Variants in PDE1A observed in about 807,000 individuals in gnomAD.
The protein encoded by PDE1A is dual specificity calcium/calmodulin-dependent 3',5'-cyclic nucleotide phosphodiesterase 1A.
A neutral mutation model predicts 61.7 loss-of-function variants in PDE1A; 35 were observed. That is an observed-to-expected ratio of 0.57 (90% CI 0.43 to 0.75). PDE1A has a LOEUF of 0.75. Ranked by LOEUF, PDE1A falls within the 30% of genes least tolerant of loss-of-function variation. PDE1A has a pLI of 0.00. For missense variants in PDE1A, 597 were observed against 630.6 expected, an observed-to-expected ratio of 0.95 and a Z score of 0.57; for synonymous variants, 232 against 213.2, an observed-to-expected ratio of 1.09 and a Z score of -0.77.
chr2:182,646,751 G>T, the PDE1A span, among the ~76,000 whole-genome samples: 7 of 151,458 alleles, frequency 4.6e-5, no homozygotes, highest in Non-Finnish European at 7.4e-5. Context: ...TGAAACATAA[G>T]TATAACCCAA....
chr2:182,669,023 T>G, the PDE1A span, among the ~76,000 whole-genome samples: 4 of 152,222 alleles, frequency 2.6e-5, no homozygotes, highest in Non-Finnish European at 4.4e-5. Flanking sequence ...CTTGGCCTAT[T>G]CTTGACCACA....
At chr2:182,690,386 A>G in the PDE1A span, among the ~76,000 whole-genome samples, 16 of 152,230 alleles carry the variant, frequency 1.1e-4, no homozygotes, top group African/African-American at 3.6e-4. Flanking sequence ...TACGCAAATC[A>G]ATAAACGTAA....
At chr2:182,370,049 C>T (rs954929726) in intron 1 of PDE1A, among the ~76,000 whole-genome samples, 7 of 151,812 alleles carry the variant, frequency 4.6e-5, no homozygotes, top group East Asian at 1.9e-4. Context: ...TGGTGGTGGC[C>T]GCCTGTAATC....
chr2:182,338,733 A>G (rs1317248313), intron 1 of PDE1A, among the ~76,000 whole-genome samples: 1 of 152,154 alleles, frequency 6.6e-6, no homozygotes, highest in Non-Finnish European at 1.5e-5. Flanking sequence ...CATATTGGCC[A>G]GGCTGGTCTC....
chr2:182,500,950 T>C (rs1309299007), intron 2 of PDE1A, among the ~76,000 whole-genome samples: 1 of 152,238 alleles, frequency 6.6e-6, no homozygotes, highest in Non-Finnish European at 1.5e-5. Context: ...TAATTTTGTA[T>C]CATTGTTTTA....
chr2:182,607,698 C>A, the PDE1A span, among the ~76,000 whole-genome samples: 23 of 152,256 alleles, frequency 1.5e-4, no homozygotes, highest in African/African-American at 5.5e-4. Flanking sequence ...GTAAATAAAG[C>A]TGATGTTTTT....
At chr2:182,542,829 A>G in the PDE1A span, among the ~76,000 whole-genome samples, 2 of 152,220 alleles carry the variant, frequency 1.3e-5, no homozygotes, top group Non-Finnish European at 2.9e-5. Flanking sequence ...TCTCTGCCAA[A>G]ATCATATCTT....
At chr2:182,359,595 G>A (rs1699384759) in intron 1 of PDE1A, among the ~76,000 whole-genome samples, 1 of 152,076 alleles carries the variant, frequency 6.6e-6, no homozygotes, top group Admixed American at 6.6e-5. Context: ...AAAGATTATT[G>A]ATGTCATTTT....
intron 13 of PDE1A, among the ~76,000 whole-genome samples, chr2:182,157,640 C>G (rs1691166995): frequency 2.0e-5 from 3 of 152,110 alleles, no homozygotes; most frequent in Non-Finnish European, 2.9e-5. Flanking sequence ...AACCCACTTA[C>G]AATCTTTACC....
chr2:182,269,450 T>C (rs1692862082), intron 1 of PDE1A, among the ~76,000 whole-genome samples: 1 of 151,722 alleles, frequency 6.6e-6, no homozygotes, highest in East Asian at 1.9e-4. Context: ...ATCGCCACGA[T>C]TGCACTCCAG....
intron 7 of PDE1A, among the ~76,000 whole-genome samples, chr2:182,223,266 A>T (rs899154316): frequency 2.0e-5 from 3 of 152,004 alleles, no homozygotes. Flanking sequence ...TACTCCTAGC[A>T]TCCATAATTG....
At chr2:182,271,352 A>G (rs1213398107) in intron 1 of PDE1A, among the ~76,000 whole-genome samples, 1 of 152,106 alleles carries the variant, frequency 6.6e-6, no homozygotes. Context: ...ATGTGTTTAC[A>G]GTCTACATTT....
chr2:182,308,689 T>C (rs1023515125), intron 1 of PDE1A, among the ~76,000 whole-genome samples: 4 of 152,110 alleles, frequency 2.6e-5, no homozygotes, highest in African/African-American at 9.6e-5. Flanking sequence ...CATCCAATTG[T>C]ATGTTTTTAT....
the PDE1A span, among the ~76,000 whole-genome samples, chr2:182,565,905 A>G: frequency 6.6e-6 from 1 of 152,132 alleles, no homozygotes; most frequent in Non-Finnish European, 1.5e-5. Flanking sequence ...ACCCATCACC[A>G]TCACTACCCT....
intron 2 of PDE1A, among the ~76,000 whole-genome samples, chr2:182,253,632 A>G (rs956380952): frequency 1.3e-5 from 2 of 152,144 alleles, no homozygotes; most frequent in East Asian, 3.9e-4. Context: ...GAGAACAATA[A>G]CTGGTTAATA....
chr2:182,313,013 T>C (rs1021666873), intron 1 of PDE1A, among the ~76,000 whole-genome samples: 1 of 152,250 alleles, frequency 6.6e-6, no homozygotes, highest in Admixed American at 6.5e-5. Context: ...ATCTTGCATA[T>C]CATTTATCAG....
At chr2:182,511,037 G>A (rs1266767623) in intron 2 of PDE1A, among the ~76,000 whole-genome samples, 1 of 152,114 alleles carries the variant, frequency 6.6e-6, no homozygotes, top group Non-Finnish European at 1.5e-5. Context: ...AATAATGACT[G>A]ACAAAAGCTA....
chr2:182,399,519 G>C lies in PDE1A; in HGVS notation c.53+27059C>G, dbSNP rs577633849. 2.0e-5 allele frequency among the ~76,000 whole-genome samples: 3 copies of C among 152,132 alleles called. No homozygotes were observed. The South Asian group carries it at 6.2e-4, about 32-fold the overall frequency. ...TACATTAGTATGTAAGTTTAAAAAT[G>C]AGTCTTCTCATTCCTTTTACCAATA... On this transcript the variant is annotated intron_variant, in intron 1 of 13. Coordinates refer to ENST00000351439, the Ensembl canonical transcript of PDE1A.
intron 13 of PDE1A, among the ~76,000 whole-genome samples, chr2:182,149,861 T>C (rs1690687896): frequency 1.3e-5 from 2 of 152,178 alleles, no homozygotes; most frequent in South Asian, 4.1e-4. Context: ...TCTTGTAGTC[T>C]GGTGAAGCCT....
Sources: allele counts gnomAD v4.1 joint callset (sites outside exome capture counted in the v4.1 genomes callset), GRCh38; gene constraint gnomAD v4.1.1; transcripts MANE v1.5; gene names NCBI Gene and HGNC (gene_info 2026-07-23, HGNC 2026-07-21).